Variants in THSD7A observed in about 807,000 individuals in gnomAD.
THSD7A encodes the protein thrombospondin type 1 domain containing 7A.
In THSD7A, 96 loss-of-function variants were observed where a neutral mutation model predicts 231.3. The ratio of observed to expected loss-of-function variants is 0.41; its 90% CI spans 0.35 to 0.49. The LOEUF is 0.49. Ranked by LOEUF, THSD7A falls within the 20% of genes least tolerant of loss-of-function variation. THSD7A has a pLI of 0.05. For missense variants in THSD7A, 2,290 were observed against 2,070.2 expected (o/e 1.11, Z -2.06); for synonymous variants, 940 against 743.3 (o/e 1.26, Z -4.30).
chr7:11,571,090 A>G (rs62434505), intron 4 of THSD7A, among the ~76,000 whole-genome samples: 2,935 of 152,132 alleles, frequency 0.019, 104 homozygotes, highest in East Asian at 0.041. Context: ...GCTGCATTTT[A>G]GTTGGGAGGA....
At chr7:11,467,273 T>C (rs1029800028) in intron 9 of THSD7A, among the ~76,000 whole-genome samples, 1 of 152,156 alleles carries the variant, frequency 6.6e-6, no homozygotes, top group African/African-American at 2.4e-5. Flanking sequence ...CTTAATATAT[T>C]TGCTCTGACA....
intron 2 of THSD7A, among the ~76,000 whole-genome samples, chr7:11,594,921 G>C (rs974538812): frequency 1.3e-4 from 20 of 152,322 alleles, no homozygotes; most frequent in African/African-American, 4.8e-4. Flanking sequence ...CCTGCAACTT[G>C]GAATGCAGAC....
At chr7:11,555,421 A>T (rs935515596) in intron 4 of THSD7A, among the ~76,000 whole-genome samples, 13 of 151,906 alleles carry the variant, frequency 8.6e-5, no homozygotes, top group African/African-American at 3.1e-4. Context: ...ATTTGATTCC[A>T]TTGTGCTCAG....
intron 4 of THSD7A, among the ~76,000 whole-genome samples, chr7:11,588,207 A>C (rs1407634872): frequency 2.0e-5 from 3 of 152,170 alleles, no homozygotes; most frequent in African/African-American, 7.2e-5. Context: ...ATTGTTCTCC[A>C]TTCACACATA....
chr7:11,495,889 G>A (rs1208175905), intron 6 of THSD7A, among the ~76,000 whole-genome samples: 3 of 152,132 alleles, frequency 2.0e-5, no homozygotes, highest in African/African-American at 7.2e-5. Flanking sequence ...CGAAATAACA[G>A]GGGATTTGGA....
At position 11,417,581 on chromosome 7, in the gene THSD7A, C is replaced by T. The variant is rs1784003783; in HGVS notation, c.3406G>A (p.Gly1136Ser). The change falls in exon 17 of 28, where the codon GGC becomes AGC. Residue 1136 changes from glycine to serine, a missense_variant. Gly to Ser is a moderately conservative substitution (Grantham distance 56). Transcript: ENST00000423059. ...KVRCMQNTAD[G>S]PSEHVEDYLC... is the part of the protein sequence containing the mutation. The stretch of plus-strand genomic sequence containing the variant: ...TAATCCTCTACATGTTCAGAAGGGC[C>T]ATCTGCTGTATTCTGCATGCATCTA... 9 of 1,612,240 alleles carry T rather than the reference C, an allele frequency of 5.6e-6. No individual in the cohort carries two copies. Among genetic ancestry groups the T allele is most frequent in the African/African-American group, 1.3e-5 (1 of 74,812 alleles).
At chr7:11,674,149 C>A (rs1232724789) in intron 1 of THSD7A, among the ~76,000 whole-genome samples, 5 of 151,988 alleles carry the variant, frequency 3.3e-5, no homozygotes, top group Admixed American at 1.3e-4. Flanking sequence ...GAGCAAGGCC[C>A]ACTAAATCCC....
At chr7:11,542,351 A>G (rs915645626) in intron 5 of THSD7A, among the ~76,000 whole-genome samples, 8 of 152,226 alleles carry the variant, frequency 5.3e-5, no homozygotes, top group Admixed American at 3.3e-4. Flanking sequence ...TTGAAACAAA[A>G]TTGAAAAATG....
chr7:11,628,151 G>A (rs1008272967), intron 2 of THSD7A, among the ~76,000 whole-genome samples: 5 of 151,992 alleles, frequency 3.3e-5, no homozygotes, highest in African/African-American at 7.3e-5. Flanking sequence ...ACATTGGGGC[G>A]TGTTAAAAAC....
intron 1 of THSD7A, among the ~76,000 whole-genome samples, chr7:11,725,591 G>A (rs953941708): frequency 1.3e-5 from 2 of 151,900 alleles, no homozygotes; most frequent in African/African-American, 4.8e-5. Flanking sequence ...CTTTTATGAT[G>A]GATCTTTATT....
At chr7:11,556,458 C>A (rs1789850542) in intron 4 of THSD7A, among the ~76,000 whole-genome samples, 1 of 151,748 alleles carries the variant, frequency 6.6e-6, no homozygotes, top group Non-Finnish European at 1.5e-5. Flanking sequence ...TTTTTAGAAT[C>A]ATATCAGGTA....
At chr7:11,756,696 G>A (rs898141431) in intron 1 of THSD7A, among the ~76,000 whole-genome samples, 5 of 151,990 alleles carry the variant, frequency 3.3e-5, no homozygotes, top group South Asian at 2.1e-4. Flanking sequence ...TGTTTCTATC[G>A]GTTTATTAAG....
chr7:11,817,943 T>C (rs1392487563), intron 1 of THSD7A, among the ~76,000 whole-genome samples: 1 of 152,162 alleles, frequency 6.6e-6, no homozygotes, highest in East Asian at 1.9e-4. Context: ...ATTGATTAGG[T>C]GCTTCTTTCA....
At chr7:11,424,262 T>C (rs1000584313) in intron 16 of THSD7A, among the ~76,000 whole-genome samples, 7 of 152,082 alleles carry the variant, frequency 4.6e-5, no homozygotes, top group Non-Finnish European at 7.4e-5. Context: ...GAAGAACAAG[T>C]GACACGCAGG....
intron 13 of THSD7A, among the ~76,000 whole-genome samples, chr7:11,440,969 A>G (rs1174129808): frequency 6.6e-6 from 1 of 152,062 alleles, no homozygotes; most frequent in Non-Finnish European, 1.5e-5. Context: ...GAAAAAGTCA[A>G]TGGATGCAGC....
chr7:11,716,894 C>T (rs929337841), intron 1 of THSD7A, among the ~76,000 whole-genome samples: 9 of 151,434 alleles, frequency 5.9e-5, no homozygotes, highest in African/African-American at 2.2e-4. Context: ...AAACACAGAA[C>T]CCAGAAAACA....
intron 7 of THSD7A, among the ~76,000 whole-genome samples, chr7:11,480,071 A>G (rs755511705): frequency 2.0e-5 from 3 of 152,174 alleles, no homozygotes; most frequent in Non-Finnish European, 4.4e-5. Flanking sequence ...AAACAGAACT[A>G]TATTGTTTTG....
chr7:11,638,706 G>A (rs1388509942), intron 1 of THSD7A, among the ~76,000 whole-genome samples: 1 of 151,950 alleles, frequency 6.6e-6, no homozygotes, highest in Non-Finnish European at 1.5e-5. Context: ...TTCTTATAAG[G>A]GATATAAAAT....
intron 11 of THSD7A, among the ~76,000 whole-genome samples, chr7:11,455,664 A>T (rs1239347226): frequency 6.6e-6 from 1 of 152,068 alleles, no homozygotes; most frequent in Non-Finnish European, 1.5e-5. Context: ...TAGTTTTGAC[A>T]TATATAAAAT....
Sources: allele counts gnomAD v4.1 joint callset (sites outside exome capture counted in the v4.1 genomes callset), GRCh38; gene constraint gnomAD v4.1.1; transcripts MANE v1.5; gene names NCBI Gene and HGNC (gene_info 2026-07-23, HGNC 2026-07-21).